Variants in WWOX observed in about 807,000 individuals in gnomAD.
WWOX encodes WW domain-containing oxidoreductase.
Under a neutral mutation model 46.2 loss-of-function variants are expected in WWOX, and 69 were observed. The observed-to-expected ratio is 1.49, with a 90% CI of 1.23 to 1.82. The LOEUF is 1.82. WWOX is among the 40% of genes most tolerant of loss of function. The pLI is 0.00. For synonymous variants in WWOX, 359 were observed against 202.6 expected, an observed-to-expected ratio of 1.77 and a Z score of -6.56; for missense variants, 919 against 542.6, an observed-to-expected ratio of 1.69 and a Z score of -6.89.
At chr16:78,236,921 A>C (rs557481439) in intron 5 of WWOX, among the ~76,000 whole-genome samples, 6 of 152,010 alleles carry the variant, frequency 3.9e-5, no homozygotes, top group Non-Finnish European at 8.8e-5. Context: ...CTAAAAATAC[A>C]AAAGTTAGCC....
intron 8 of WWOX, among the ~76,000 whole-genome samples, chr16:78,827,721 AT>A: frequency 6.6e-6 from 1 of 151,866 alleles, no homozygotes; most frequent in South Asian, 2.1e-4. Flanking sequence ...CATGTCTGTT[AT>A]CCCAGCTACT....
chr16:79,171,357 A>G (rs1036363156), intron 8 of WWOX, among the ~76,000 whole-genome samples: 2 of 152,206 alleles, frequency 1.3e-5, no homozygotes, highest in Non-Finnish European at 2.9e-5. Context: ...GTTGTTATTT[A>G]TTTCCCACAC....
intron 8 of WWOX, among the ~76,000 whole-genome samples, chr16:79,030,067 A>AGG (rs1242496349): frequency 6.6e-6 from 1 of 152,228 alleles, no homozygotes; most frequent in Non-Finnish European, 1.5e-5. Context: ...TGACCAAAAA[A>AGG]AATAGCATCT....
intron 8 of WWOX, among the ~76,000 whole-genome samples, chr16:78,588,597 C>G (rs903896085): frequency 6.6e-6 from 1 of 152,184 alleles, no homozygotes; most frequent in African/African-American, 2.4e-5. Flanking sequence ...ATTTTTTGTA[C>G]ATGAGGATAC....
intron 8 of WWOX, among the ~76,000 whole-genome samples, chr16:78,767,508 G>GTT (rs960994203): frequency 1.3e-5 from 2 of 149,474 alleles, no homozygotes; most frequent in Admixed American, 1.3e-4. Context: ...GTGTGTGTGT[G>GTT]TTTGAATAAT....
chr16:78,893,252 C>G (rs1030908387), intron 8 of WWOX, among the ~76,000 whole-genome samples: 2 of 151,852 alleles, frequency 1.3e-5, no homozygotes, highest in African/African-American at 2.4e-5. Context: ...TAAGGGAAGA[C>G]ATTCTTCTTT....
chr16:78,224,485 A>G (rs1161118091), intron 5 of WWOX, among the ~76,000 whole-genome samples: 1 of 152,022 alleles, frequency 6.6e-6, no homozygotes, highest in African/African-American at 2.4e-5. Flanking sequence ...TTTCTGTGTC[A>G]CTAAATCCTT....
At chr16:79,132,241 A>G (rs921430425) in intron 8 of WWOX, among the ~76,000 whole-genome samples, 1 of 152,004 alleles carries the variant, frequency 6.6e-6, no homozygotes, top group African/African-American at 2.4e-5. Context: ...ACTTTAGTTG[A>G]CTTTATAAGT....
intron 8 of WWOX, among the ~76,000 whole-genome samples, chr16:78,661,967 C>G (rs186701183): frequency 6.4e-4 from 98 of 152,168 alleles, no homozygotes; most frequent in Admixed American, 1.4e-3. Context: ...TCATTTGAGC[C>G]CGGTAGATGG....
In WWOX at chr16:78,652,408, CAAAAAA is replaced by C. The variant is rs747993811; in HGVS notation, c.1056+219674_1056+219679del. On this transcript the variant is annotated intron_variant, in intron 8 of 8. Transcript: ENST00000566780. ...TGGGTGACAGAGCGAGACTCCGTCTCAAAAAAAAAAAAAAAAAAAAAAAGAAAAAGA... is the reference window on the plus strand; with the variant it reads ...TGGGTGACAGAGCGAGACTCCGTCTCAAAAAAAAAAAAAAAAAGAAAAAGA... 2.6e-3 allele frequency among the ~76,000 whole-genome samples: 278 copies of C among 107,448 alleles called. 3 individuals carry two copies. Among genetic ancestry groups the C allele is most frequent in the African/African-American group, 5.7e-3 (122 of 21,510 alleles). The allele number at this position is 107,448 out of a possible 152,430, so 70.5% of individuals were successfully genotyped here.
At chr16:78,820,552 T>C (rs1016484646) in intron 8 of WWOX, among the ~76,000 whole-genome samples, 5 of 152,270 alleles carry the variant, frequency 3.3e-5, no homozygotes, top group Non-Finnish European at 5.9e-5. Flanking sequence ...TTATTGGGAT[T>C]AGTGGATGAA....
At chr16:78,596,470 A>G (rs1385529289) in intron 8 of WWOX, among the ~76,000 whole-genome samples, 12 of 150,070 alleles carry the variant, frequency 8.0e-5, no homozygotes, top group Non-Finnish European at 1.8e-4. Flanking sequence ...GTCCTGCCCC[A>G]GCAGGGCGTA....
chr16:78,183,639 C>T (rs993232270), intron 5 of WWOX, among the ~76,000 whole-genome samples: 1 of 152,190 alleles, frequency 6.6e-6, no homozygotes, highest in African/African-American at 2.4e-5. Flanking sequence ...GGCACATGCT[C>T]AGTAACACCT....
rs1168152702 is a variant in WWOX, at chr16:78,324,287, C to T, written c.517-62573C>T. Reference sequence around the variant, plus strand: ...TGAAATGTAGAAGTGAAAAGTCAGACAGCAGCAGGTGTTGCTGGGAATGTG... The same window carrying T: ...TGAAATGTAGAAGTGAAAAGTCAGATAGCAGCAGGTGTTGCTGGGAATGTG... On this transcript the variant is annotated intron_variant, in intron 5 of 8. Coordinates refer to ENST00000566780, the MANE Select transcript of WWOX (RefSeq NM_016373.4). Among the ~76,000 whole-genome samples, 4 of 152,206 alleles carry T rather than the reference C, an allele frequency of 2.6e-5. No individual in the cohort carries two copies. In the East Asian group the frequency reaches 7.8e-4, roughly 30 times the overall value.
intron 5 of WWOX, among the ~76,000 whole-genome samples, chr16:78,284,682 G>A (rs953295256): frequency 1.3e-5 from 2 of 152,124 alleles, no homozygotes; most frequent in Non-Finnish European, 2.9e-5. Flanking sequence ...CACTCTGCAG[G>A]CATTAATAAA....
At chr16:78,399,647 A>C (rs2082366298) in intron 6 of WWOX, among the ~76,000 whole-genome samples, 1 of 152,160 alleles carries the variant, frequency 6.6e-6, no homozygotes, top group African/African-American at 2.4e-5. Flanking sequence ...ACTCTCAGAG[A>C]ACTCTCGATT....
At chr16:78,815,515 G>T (rs2051306138) in intron 8 of WWOX, among the ~76,000 whole-genome samples, 1 of 152,082 alleles carries the variant, frequency 6.6e-6, no homozygotes, top group Non-Finnish European at 1.5e-5. Flanking sequence ...TCTGCCTCTT[G>T]CCAGGACCCT....
chr16:78,527,746 A>G (rs1036431073), intron 8 of WWOX, among the ~76,000 whole-genome samples: 8 of 39,388 alleles, frequency 2.0e-4, no homozygotes, highest in East Asian at 1.6e-3. Flanking sequence ...ATCAGGAGTG[A>G]TATTGCCTGC....
chr16:79,058,524 G>A (rs2048306183), intron 8 of WWOX, among the ~76,000 whole-genome samples: 1 of 152,004 alleles, frequency 6.6e-6, no homozygotes, highest in Non-Finnish European at 1.5e-5. Flanking sequence ...AAAGGAGGGA[G>A]GAGGCAAGTA....
Sources: allele counts gnomAD v4.1 joint callset (sites outside exome capture counted in the v4.1 genomes callset), GRCh38; gene constraint gnomAD v4.1.1; transcripts MANE v1.5; gene names NCBI Gene and HGNC (gene_info 2026-07-23, HGNC 2026-07-21).